BLTP3B: variants seen among roughly 807,000 people sequenced by gnomAD.
BLTP3B encodes UHRF1 (ICBP90) binding protein 1-like.
the BLTP3B span, among the ~76,000 whole-genome samples, chr12:100,052,811 T>A: frequency 6.8e-6 from 1 of 147,996 alleles, no homozygotes; most frequent in South Asian, 2.2e-4. Context: ...TTTTTTTTTT[T>A]AAGACAGAGT....
At chr12:100,060,392 A>C in the BLTP3B span, among the ~76,000 whole-genome samples, 1 of 152,202 alleles carries the variant, frequency 6.6e-6, no homozygotes, top group Non-Finnish European at 1.5e-5. Context: ...TTTACCAAGA[A>C]GCAAACCTCT....
At chr12:100,042,019 C>T in the BLTP3B span, among the ~76,000 whole-genome samples, 1 of 152,094 alleles carries the variant, frequency 6.6e-6, no homozygotes, top group African/African-American at 2.4e-5. Flanking sequence ...ATTTAAAATA[C>T]TGTCAAAAAG....
the BLTP3B span, among the ~76,000 whole-genome samples, chr12:100,101,844 C>T: frequency 6.6e-6 from 1 of 152,224 alleles, no homozygotes; most frequent in South Asian, 2.1e-4. Context: ...CTCTCCATCA[C>T]CCAGGCTGCA....
chr12:100,050,778 C>A, the BLTP3B span, among the ~76,000 whole-genome samples: 2 of 151,986 alleles, frequency 1.3e-5, no homozygotes, highest in African/African-American at 4.8e-5. Flanking sequence ...CATCTCTGCA[C>A]TCCAGCCTGG....
chr12:100,095,902 T>TA, the BLTP3B span: 1 of 1,356,930 alleles, frequency 7.4e-7, no homozygotes, highest in Non-Finnish European at 9.8e-7. Context: ...ACGCTTGTAT[T>TA]AAAAAATGTT....
At chr12:100,038,281 C>T in the BLTP3B span, among the ~76,000 whole-genome samples, 1 of 152,142 alleles carries the variant, frequency 6.6e-6, no homozygotes, top group Non-Finnish European at 1.5e-5. Context: ...CATAGACTCA[C>T]CTAGCACAAA....
chr12:100,050,014 C>T, the BLTP3B span, among the ~76,000 whole-genome samples: 1 of 152,120 alleles, frequency 6.6e-6, no homozygotes, highest in South Asian at 2.1e-4. Context: ...AAGCTCCACA[C>T]ACTATAGAAA....
At chr12:100,064,565 A>G in the BLTP3B span, among the ~76,000 whole-genome samples, 1 of 152,196 alleles carries the variant, frequency 6.6e-6, no homozygotes, top group Non-Finnish European at 1.5e-5. Context: ...GTAAGGGAAA[A>G]TCTATCAGAT....
At chr12:100,121,018 G>A in the BLTP3B span, among the ~76,000 whole-genome samples, 4 of 152,068 alleles carry the variant, frequency 2.6e-5, no homozygotes, top group African/African-American at 9.7e-5. Flanking sequence ...AGTGAAAGAA[G>A]CCAGGAAAAA....
the BLTP3B span, among the ~76,000 whole-genome samples, chr12:100,082,437 T>C: frequency 3.3e-5 from 5 of 152,264 alleles, no homozygotes; most frequent in Non-Finnish European, 7.3e-5. Flanking sequence ...GCAATTACTT[T>C]TGGAGTCTTC....
chr12:100,121,113 C>T, the BLTP3B span, among the ~76,000 whole-genome samples: 1 of 151,890 alleles, frequency 6.6e-6, no homozygotes, highest in Non-Finnish European at 1.5e-5. Flanking sequence ...TTTGGGAGGT[C>T]GAGGTGGGCG....
At chr12:100,117,898 A>G in the BLTP3B span, among the ~76,000 whole-genome samples, 3 of 152,142 alleles carry the variant, frequency 2.0e-5, no homozygotes, top group Non-Finnish European at 4.4e-5. Context: ...CATTTTAGGA[A>G]GTTATCTGGG....
the BLTP3B span, chr12:100,072,672 T>C: frequency 6.6e-7 from 1 of 1,512,918 alleles, no homozygotes; most frequent in South Asian, 1.3e-5. Context: ...ACTCTCTTAC[T>C]TGGAAAATCC....
the BLTP3B span, among the ~76,000 whole-genome samples, chr12:100,110,069 T>C: frequency 2.8e-4 from 43 of 152,286 alleles, no homozygotes; most frequent in Non-Finnish European, 4.1e-4. Context: ...TTACTAACTA[T>C]GCCCAACAAA....
At chr12:100,135,475 G>A in the BLTP3B span, among the ~76,000 whole-genome samples, 2 of 151,858 alleles carry the variant, frequency 1.3e-5, no homozygotes, top group Non-Finnish European at 2.9e-5. Context: ...CACCATGTTG[G>A]CCAGGCTGGT....
chr12:100,065,017 G>A, the BLTP3B span, among the ~76,000 whole-genome samples: 2 of 152,058 alleles, frequency 1.3e-5, no homozygotes, highest in East Asian at 3.9e-4. Flanking sequence ...ATACAGAACT[G>A]CAAAACAGAT....
the BLTP3B span, among the ~76,000 whole-genome samples, chr12:100,039,345 T>C: frequency 6.6e-6 from 1 of 152,040 alleles, no homozygotes; most frequent in Non-Finnish European, 1.5e-5. Flanking sequence ...AATATTAATT[T>C]TTTCAAATAA....
At chr12:100,072,754 T>G in the BLTP3B span, 1 of 1,607,648 alleles carries the variant, frequency 6.2e-7, no homozygotes, top group Non-Finnish European at 8.5e-7. Context: ...GATATAGGGA[T>G]TTTTTATTGC....
chr12:100,108,330 A>G, the BLTP3B span: 3 of 1,551,304 alleles, frequency 1.9e-6, no homozygotes, highest in Non-Finnish European at 2.6e-6. Flanking sequence ...CAAAATATAG[A>G]AGGAAAACAT....
Sources: allele counts gnomAD v4.1 joint callset (sites outside exome capture counted in the v4.1 genomes callset), GRCh38; gene constraint gnomAD v4.1.1; transcripts MANE v1.5; gene names NCBI Gene and HGNC (gene_info 2026-07-23, HGNC 2026-07-21).